TUSC3: variants seen among roughly 807,000 people sequenced by gnomAD.
TUSC3 encodes tumor suppressor candidate 3, also known as dolichyl-diphosphooligosaccharide--protein glycosyltransferase subunit TUSC3.
In TUSC3, 45 loss-of-function variants were observed where a neutral mutation model predicts 44.8. The ratio of observed to expected loss-of-function variants is 1.00; its 90% confidence interval spans 0.79 to 1.29. The LOEUF is 1.29. Ranked by LOEUF, TUSC3 falls within the 50% of genes most tolerant of loss-of-function variation. The pLI is 0.00. For synonymous variants in TUSC3, 212 were observed against 152.9 expected (o/e 1.39, Z -2.85); for missense variants, 519 against 437.9 (o/e 1.19, Z -1.65).
intron 9 of TUSC3, 93 bp from the exon 10 acceptor site, chr8:15,757,698 G>A (rs1314458729): frequency 4.9e-6 from 7 of 1,441,448 alleles, no homozygotes; most frequent in South Asian, 1.1e-5. Flanking sequence ...AGAATGTAGT[G>A]CTAAATCTTG....
intron 7 of TUSC3, among the ~76,000 whole-genome samples, chr8:15,734,914 G>T (rs931374068): frequency 6.6e-6 from 1 of 152,140 alleles, no homozygotes; most frequent in African/African-American, 2.4e-5. Flanking sequence ...GGTTAGGCTG[G>T]ATAATGAAGA....
intron 6 of TUSC3, among the ~76,000 whole-genome samples, chr8:15,713,571 G>A (rs1020196985): frequency 2.0e-5 from 3 of 152,058 alleles, no homozygotes; most frequent in Non-Finnish European, 4.4e-5. Flanking sequence ...TCAGGATTAC[G>A]AAGCCTACAC....
intron 2 of TUSC3, among the ~76,000 whole-genome samples, chr8:15,521,616 C>T (rs1001775671): frequency 2.0e-5 from 3 of 151,844 alleles, no homozygotes; most frequent in Non-Finnish European, 4.4e-5. Context: ...GTAATTACCC[C>T]CCCCAAAAAA....
chr8:15,756,440 A>G (rs1453043031), intron 9 of TUSC3, among the ~76,000 whole-genome samples: 1 of 152,184 alleles, frequency 6.6e-6, no homozygotes. Flanking sequence ...CTCTTCAGCT[A>G]TACTAGCCAT....
the TUSC3 span, among the ~76,000 whole-genome samples, chr8:15,818,000 A>T: frequency 9.2e-5 from 14 of 152,172 alleles, no homozygotes; most frequent in African/African-American, 3.4e-4. Flanking sequence ...AGCTGGAGAG[A>T]CTGTGATGAA....
chr8:15,583,858 A>G (rs570994547), intron 1 of TUSC3, among the ~76,000 whole-genome samples: 5 of 152,328 alleles, frequency 3.3e-5, no homozygotes, highest in East Asian at 3.9e-4. Context: ...CCCTTATTTT[A>G]TTAGAGATCT....
intron 2 of TUSC3, among the ~76,000 whole-genome samples, chr8:15,633,039 AGTATTATT>A (rs1805888533): frequency 1.3e-5 from 2 of 152,220 alleles, no homozygotes; most frequent in African/African-American, 4.8e-5. Context: ...CTGCTGAGGT[AGTATTATT>A]GCTTTGAGGC....
intron 6 of TUSC3, among the ~76,000 whole-genome samples, chr8:15,707,004 A>G (rs1169512103): frequency 6.6e-6 from 1 of 151,998 alleles, no homozygotes; most frequent in Non-Finnish European, 1.5e-5. Flanking sequence ...TTGTTGCTAT[A>G]AAAGTATACT....
the TUSC3 span, among the ~76,000 whole-genome samples, chr8:15,822,377 C>T: frequency 6.6e-6 from 1 of 152,168 alleles, no homozygotes; most frequent in African/African-American, 2.4e-5. Flanking sequence ...GTTTAGACTC[C>T]ATAAGGTCCC....
chr8:15,431,792 C>T (rs1019123454), intron 1 of TUSC3, among the ~76,000 whole-genome samples: 4 of 114,906 alleles, frequency 3.5e-5, no homozygotes, highest in Non-Finnish European at 7.4e-5. Flanking sequence ...ATTATGTTAG[C>T]TGTGGGCTTG....
At chr8:15,595,064 G>A (rs1171067327) in intron 1 of TUSC3, among the ~76,000 whole-genome samples, 2 of 152,234 alleles carry the variant, frequency 1.3e-5, no homozygotes, top group East Asian at 1.9e-4. Context: ...CAGAACTTGG[G>A]CTATTCCCAC....
At chr8:15,701,902 A>T (rs866656986) in intron 6 of TUSC3, among the ~76,000 whole-genome samples, 1 of 152,070 alleles carries the variant, frequency 6.6e-6, no homozygotes, top group Admixed American at 6.6e-5. Flanking sequence ...ACAGTAGGTT[A>T]TTTTTTTGGT....
intron 3 of TUSC3, among the ~76,000 whole-genome samples, chr8:15,654,587 A>G (rs1356963030): frequency 1.3e-5 from 2 of 152,108 alleles, no homozygotes. Flanking sequence ...GTTTATGAAA[A>G]TAATATTGTT....
At chr8:15,756,178 C>T (rs1252534912) in intron 9 of TUSC3, among the ~76,000 whole-genome samples, 1 of 152,074 alleles carries the variant, frequency 6.6e-6, no homozygotes, top group East Asian at 1.9e-4. Context: ...TAGACAAATC[C>T]AGGTTTGAAT....
chr8:15,723,078 G>C (rs1328735201), intron 6 of TUSC3, among the ~76,000 whole-genome samples: 2 of 152,116 alleles, frequency 1.3e-5, no homozygotes, highest in African/African-American at 2.4e-5. Context: ...TCTCTGGTCA[G>C]TTTCATGCAC....
chr8:15,543,780 A>G (rs1024538452), intron 1 of TUSC3, among the ~76,000 whole-genome samples: 4 of 151,340 alleles, frequency 2.6e-5, no homozygotes, highest in East Asian at 1.9e-4. Context: ...TATAATAATA[A>G]ATTATATGGT....
At chr8:15,788,355 T>C in the TUSC3 span, among the ~76,000 whole-genome samples, 1 of 152,030 alleles carries the variant, frequency 6.6e-6, no homozygotes, top group South Asian at 2.1e-4. Context: ...CAGACCAGCC[T>C]GGCCAACATG....
rs560663380 is a variant in TUSC3 at position 15,561,544 on chromosome 8, T to G, written c.138+20976T>G. 3 of 151,438 alleles carry G rather than the reference T, an allele frequency of 2.0e-5. No homozygotes were observed. The East Asian group carries it at 5.9e-4, about 30-fold the overall frequency. 9.4% of individuals were successfully genotyped at this position (151,438 alleles called of 1,614,324 possible). A position where few individuals can be genotyped will look rare whatever the true frequency, so the allele number is the denominator to read the frequency against. On this transcript the variant is annotated intron_variant, in intron 1 of 10. Coordinates refer to ENST00000503731, the MANE Select transcript of TUSC3 (RefSeq NM_006765.4). ...TGGTGGGCTCCACCCAGTTCGAGCT[T>G]CCTGGCTGCTTTGTTTACCTAATCA... is the stretch of plus-strand genomic sequence containing the variant.
chr8:15,582,690 T>G (rs1803420394), intron 1 of TUSC3, among the ~76,000 whole-genome samples: 1 of 152,176 alleles, frequency 6.6e-6, no homozygotes, highest in Admixed American at 6.5e-5. Context: ...AATGTAATTC[T>G]CTGCAAGCCT....
Sources: allele counts gnomAD v4.1 joint callset (sites outside exome capture counted in the v4.1 genomes callset), GRCh38; gene constraint gnomAD v4.1.1; transcripts MANE v1.5; gene names NCBI Gene and HGNC (gene_info 2026-07-23, HGNC 2026-07-21).